NTRK2: variants seen among roughly 807,000 people sequenced by gnomAD.
The protein encoded by NTRK2 is BDNF/NT-3 growth factors receptor.
A neutral mutation model predicts 94.5 loss-of-function variants in NTRK2; 13 were observed. That is an observed-to-expected ratio of 0.14 (90% CI 0.09 to 0.22). The LOEUF is 0.22. Ranked by LOEUF, NTRK2 falls within the 10% of genes least tolerant of loss-of-function variation. NTRK2 has a pLI of 1.00. For missense variants in NTRK2, 639 were observed against 1,071.2 expected (o/e 0.60, Z 5.63); for synonymous variants, 372 against 407.4 (o/e 0.91, Z 1.05).
chr9:84,911,571 T>C (rs1587906906), intron 14 of NTRK2, among the ~76,000 whole-genome samples: 1 of 152,162 alleles, frequency 6.6e-6, no homozygotes, highest in South Asian at 2.1e-4. Flanking sequence ...GTTTGAAGTA[T>C]TCCCTTGTTA....
At position 85,001,916 on chromosome 9, in the gene NTRK2, G is replaced by GC. The variant is rs1410586186; in HGVS notation, c.2173-18284dup. ...GGGCAGGGAGGGGACAATTGAAAACGCCCCCCTAGTATCCTATTATGGAGC... is the reference window on the plus strand; with the variant it reads ...GGGCAGGGAGGGGACAATTGAAAACGCCCCCCCTAGTATCCTATTATGGAGC... On this transcript the variant is annotated intron_variant, in intron 17 of 18. Coordinates refer to ENST00000277120, the MANE Select transcript of NTRK2 (RefSeq NM_006180.6). Among the ~76,000 whole-genome samples, 3 of 152,266 alleles carry GC rather than the reference G, an allele frequency of 2.0e-5. No homozygotes were observed. The East Asian group carries it at 5.8e-4, about 29-fold the overall frequency.
chr9:84,831,493 T>A (rs918301806), intron 12 of NTRK2, among the ~76,000 whole-genome samples: 3 of 152,130 alleles, frequency 2.0e-5, no homozygotes, highest in Admixed American at 2.0e-4. Flanking sequence ...ACATTGGTGG[T>A]CAGTTACCCA....
chr9:84,728,078 G>C (rs964143985), intron 9 of NTRK2, 119 bp downstream of exon 9: 5 of 910,892 alleles, frequency 5.5e-6, no homozygotes, highest in Non-Finnish European at 8.8e-6. Flanking sequence ...CCATTATTTA[G>C]TGTTGCTCAT....
chr9:84,754,960 G>A (rs2064953356), intron 12 of NTRK2, among the ~76,000 whole-genome samples: 1 of 152,150 alleles, frequency 6.6e-6, no homozygotes, highest in South Asian at 2.1e-4. Flanking sequence ...CTGATATGAA[G>A]GGCCCAGAGA....
chr9:84,913,270 T>A (rs762299950), intron 14 of NTRK2, among the ~76,000 whole-genome samples: 1 of 152,174 alleles, frequency 6.6e-6, no homozygotes, highest in East Asian at 1.9e-4. Flanking sequence ...TACATACATA[T>A]ATATAACTTA....
chr9:84,700,249 TAGA>T, intron 2 of NTRK2, among the ~76,000 whole-genome samples: 1 of 152,376 alleles, frequency 6.6e-6, no homozygotes, highest in African/African-American at 2.4e-5. Context: ...TGAGATCATT[TAGA>T]AGAGTGAGGT....
chr9:84,681,849 A>T (rs1037684159), intron 2 of NTRK2, among the ~76,000 whole-genome samples: 7 of 152,178 alleles, frequency 4.6e-5, no homozygotes, highest in African/African-American at 1.7e-4. Flanking sequence ...ATAGAACAAA[A>T]TTGTCACTAT....
chr9:84,771,179 A>T (rs150253112), intron 12 of NTRK2, among the ~76,000 whole-genome samples: 1 of 152,226 alleles, frequency 6.6e-6, no homozygotes, highest in Non-Finnish European at 1.5e-5. Context: ...TAGAAACACA[A>T]AATTATTCAG....
chr9:84,944,408 G>A (rs1424233401), intron 15 of NTRK2, among the ~76,000 whole-genome samples: 1 of 152,034 alleles, frequency 6.6e-6, no homozygotes, highest in Non-Finnish European at 1.5e-5. Flanking sequence ...GATTACAGGT[G>A]TGAGCCACCA....
intron 17 of NTRK2, among the ~76,000 whole-genome samples, chr9:84,963,887 A>T (rs527511900): frequency 6.6e-6 from 1 of 152,184 alleles, no homozygotes; most frequent in South Asian, 2.1e-4. Context: ...CATTATTCTC[A>T]TCCAGTATAG....
chr9:84,781,157 C>T (rs1177162613), intron 12 of NTRK2, among the ~76,000 whole-genome samples: 1 of 152,062 alleles, frequency 6.6e-6, no homozygotes, highest in African/African-American at 2.4e-5. Context: ...GGTGTCCAAA[C>T]CTTATGTGTA....
intron 12 of NTRK2, chr9:84,813,691 T>C: frequency 9.4e-7 from 1 of 1,066,196 alleles, no homozygotes; most frequent in Non-Finnish European, 1.1e-6. Context: ...ATTCCCTGGT[T>C]GGTCCTACTC....
chr9:84,768,997 A>C (rs2066285940), intron 12 of NTRK2, among the ~76,000 whole-genome samples: 1 of 152,112 alleles, frequency 6.6e-6, no homozygotes, highest in Admixed American at 6.6e-5. Flanking sequence ...AACCAACTTA[A>C]TAGGATTCTT....
At chr9:84,827,707 C>T (rs757296140) in intron 12 of NTRK2, among the ~76,000 whole-genome samples, 6 of 152,146 alleles carry the variant, frequency 3.9e-5, no homozygotes, top group Non-Finnish European at 7.3e-5. Flanking sequence ...CGCTAATTCT[C>T]ATTTTTCCTG....
At chr9:84,822,298 A>G (rs1202785684) in intron 12 of NTRK2, among the ~76,000 whole-genome samples, 1 of 152,014 alleles carries the variant, frequency 6.6e-6, no homozygotes, top group East Asian at 1.9e-4. Flanking sequence ...TCACTTTCTT[A>G]CTTCTATACT....
In NTRK2 at chr9:84,795,113, G is replaced by A. The variant is rs535652214; in HGVS notation, c.1396+43028G>A. On this transcript the variant is annotated intron_variant, in intron 12 of 18. Transcript: ENST00000277120. Reference sequence around the variant, plus strand: ...TTGGTCAAAACTGGGATTATATTCCGACTGCAAGCATAGGCAAGTTCAGGG... The same window carrying A: ...TTGGTCAAAACTGGGATTATATTCCAACTGCAAGCATAGGCAAGTTCAGGG... Among the ~76,000 whole-genome samples, 12 of 152,242 alleles carry A rather than the reference G, an allele frequency of 7.9e-5. No homozygotes were observed. In the East Asian group the frequency reaches 1.2e-3, roughly 15 times the overall value.
intron 2 of NTRK2, among the ~76,000 whole-genome samples, chr9:84,684,655 T>C (rs1422842478): frequency 1.3e-5 from 2 of 152,256 alleles, no homozygotes; most frequent in East Asian, 3.8e-4. Context: ...CTATTTGTCG[T>C]TGAACTTTTG....
In NTRK2 at chr9:84,764,003, C is replaced by G. The variant is rs540596911; in HGVS notation, c.1396+11918C>G. Reference sequence around the variant, plus strand: ...GGTATTCTTCAACTTGCCATTTATCCTCTCTATTTCCTATAAACTGGAACT... The same window carrying G: ...GGTATTCTTCAACTTGCCATTTATCGTCTCTATTTCCTATAAACTGGAACT... On this transcript the variant is annotated intron_variant, in intron 12 of 18. Coordinates refer to ENST00000277120, the MANE Select transcript of NTRK2 (RefSeq NM_006180.6). 5.9e-5 allele frequency among the ~76,000 whole-genome samples: 9 copies of G among 152,164 alleles called. No homozygotes were observed. In the South Asian group the frequency reaches 1.7e-3, roughly 28 times the overall value.
At chr9:85,014,615 G>GTA (rs1832020157) in intron 17 of NTRK2, among the ~76,000 whole-genome samples, 1 of 152,196 alleles carries the variant, frequency 6.6e-6, no homozygotes, top group Non-Finnish European at 1.5e-5. Flanking sequence ...ACCAGAGTGT[G>GTA]TACTTTGAAT....
Sources: gnomAD v4.1 joint callset for allele counts (sites outside exome capture counted in the v4.1 genomes callset) on GRCh38, gnomAD v4.1.1 for gene constraint, MANE v1.5 for transcripts, NCBI Gene and HGNC (gene_info 2026-07-23, HGNC 2026-07-21) for gene names.